The following CDH18 variants were observed in gnomAD, a reference collection of about 807,000 sequenced individuals.
CDH18 encodes the protein cadherin-18.
In CDH18, 31 loss-of-function variants were observed where a neutral mutation model predicts 67.9. That is an observed-to-expected ratio of 0.46 (90% CI 0.34 to 0.62). CDH18 has a LOEUF of 0.62. Ranked by LOEUF, CDH18 falls within the 20% of genes least tolerant of loss-of-function variation. The probability of loss-of-function intolerance (pLI) is 0.01; values close to 1 mark genes in which losing one functional copy is unlikely to be tolerated. For missense variants in CDH18, 890 were observed against 975.5 expected (o/e 0.91, Z 1.17); for synonymous variants, 362 against 347.2 (o/e 1.04, Z -0.48).
At chr5:20,514,648 T>C (rs1386948103) in intron 1 of CDH18, among the ~76,000 whole-genome samples, 3 of 152,004 alleles carry the variant, frequency 2.0e-5, no homozygotes, top group Non-Finnish European at 4.4e-5. Flanking sequence ...CTATGAGTGT[T>C]TTTAGCATAA....
chr5:19,701,930 G>A (rs898974672), intron 5 of CDH18, among the ~76,000 whole-genome samples: 5 of 152,026 alleles, frequency 3.3e-5, no homozygotes, highest in Non-Finnish European at 5.9e-5. Context: ...ATGTTGAAAC[G>A]TATTGTGCAA....
intron 2 of CDH18, among the ~76,000 whole-genome samples, chr5:20,007,705 GTGTGTGTGTGTC>G (rs1448666904): frequency 6.8e-6 from 1 of 147,714 alleles, no homozygotes; most frequent in African/African-American, 2.6e-5. Context: ...GTGTGTGTGT[GTGTGTGTGTGTC>G]ATAAGTCATT....
intron 2 of CDH18, among the ~76,000 whole-genome samples, chr5:20,018,696 C>T (rs1738111091): frequency 6.6e-6 from 1 of 151,962 alleles, no homozygotes; most frequent in Non-Finnish European, 1.5e-5. Flanking sequence ...ATTTTGTTTC[C>T]TATGGAATAA....
intron 8 of CDH18, among the ~76,000 whole-genome samples, chr5:19,554,045 GC>G (rs1487131568): frequency 6.6e-6 from 1 of 151,924 alleles, no homozygotes; most frequent in Non-Finnish European, 1.5e-5. Flanking sequence ...TAATACACAA[GC>G]CATGCATTGA....
At chr5:19,569,798 C>T (rs1014950659) in intron 8 of CDH18, among the ~76,000 whole-genome samples, 29 of 152,054 alleles carry the variant, frequency 1.9e-4, no homozygotes, top group African/African-American at 2.9e-4. Context: ...TGTAAAGAAA[C>T]GATACATATT....
At chr5:19,959,076 G>T (rs770255304) in intron 2 of CDH18, among the ~76,000 whole-genome samples, 1 of 151,944 alleles carries the variant, frequency 6.6e-6, no homozygotes, top group Admixed American at 6.6e-5. Flanking sequence ...GAGAAACAAA[G>T]AAAGATATTT....
chr5:20,371,619 A>G (rs963712618), intron 1 of CDH18, among the ~76,000 whole-genome samples: 1 of 152,220 alleles, frequency 6.6e-6, no homozygotes, highest in Non-Finnish European at 1.5e-5. Context: ...AAAAGTAACT[A>G]AAGGATGTCG....
At chr5:19,938,753 T>C (rs942424749) in intron 2 of CDH18, among the ~76,000 whole-genome samples, 71 of 151,552 alleles carry the variant, frequency 4.7e-4, no homozygotes, top group African/African-American at 1.6e-3. Flanking sequence ...CTTTTAAAGT[T>C]ATAAAGGTAC....
intron 2 of CDH18, among the ~76,000 whole-genome samples, chr5:20,223,961 A>T (rs1741419316): frequency 6.6e-6 from 1 of 152,184 alleles, no homozygotes; most frequent in South Asian, 2.1e-4. Flanking sequence ...ATGAGAAATT[A>T]TGTTAACAAA....
intron 1 of CDH18, among the ~76,000 whole-genome samples, chr5:20,505,279 T>C (rs955958574): frequency 4.6e-5 from 7 of 152,112 alleles, no homozygotes; most frequent in African/African-American, 1.7e-4. Flanking sequence ...CTAGGACAAA[T>C]TGGAGAAGTT....
At chr5:20,562,122 T>C (rs987344605) in intron 1 of CDH18, among the ~76,000 whole-genome samples, 1 of 151,814 alleles carries the variant, frequency 6.6e-6, no homozygotes, top group African/African-American at 2.4e-5. Flanking sequence ...AGATCTATAA[T>C]AGAAAAGAAA....
In CDH18 at chr5:20,056,718, C is replaced by G. The variant is rs569770907; in HGVS notation, c.-517-64704G>C. On this transcript the variant is annotated intron_variant, in intron 2 of 14. Transcript: ENST00000507958. ...TTTTTTTTTTTGAGACGAAGTCTCA[C>G]TGTCGCCCAGGCTGGAGTGCGGTGG... Among the ~76,000 whole-genome samples the G allele has an allele frequency of 2.7e-3, 331 of 124,690 alleles. 1 individual carries two copies. Among genetic ancestry groups the G allele is most frequent in the African/African-American group, 9.4e-3 (313 of 33,340 alleles). 81.8% of individuals were successfully genotyped at this position (124,690 alleles called of 152,430 possible). A position where few individuals can be genotyped will look rare whatever the true frequency, so the allele number is the denominator to read the frequency against.
intron 1 of CDH18, among the ~76,000 whole-genome samples, chr5:20,497,884 T>A (rs954570329): frequency 1.3e-5 from 2 of 152,026 alleles, no homozygotes; most frequent in Non-Finnish European, 2.9e-5. Context: ...TATTCGGAGG[T>A]GAGGACTTCG....
In CDH18 at chr5:19,901,564, G is replaced by A. The variant is rs571755172; in HGVS notation, c.-256-62322C>T. Among the ~76,000 whole-genome samples the A allele has an allele frequency of 1.6e-4, 25 of 152,114 alleles. 1 individual carries two copies. The South Asian group carries it at 5.2e-3, about 32-fold the overall frequency. ...TTTTCACTGAGTTGGGAACAAATAA[G>A]TCTTCAGGTATGATGTGATGTATCT... On this transcript the variant is annotated intron_variant, in intron 2 of 12. Coordinates refer to ENST00000382275, the MANE Select transcript of CDH18 (RefSeq NM_004934.5).
intron 2 of CDH18, among the ~76,000 whole-genome samples, chr5:20,059,259 G>C (rs1026769111): frequency 6.6e-6 from 1 of 151,810 alleles, no homozygotes; most frequent in East Asian, 1.9e-4. Flanking sequence ...TGTCTATTTT[G>C]TTAATCTTTT....
intron 3 of CDH18, among the ~76,000 whole-genome samples, chr5:19,791,121 A>G (rs1014231354): frequency 1.6e-4 from 24 of 152,130 alleles, no homozygotes; most frequent in Non-Finnish European, 1.6e-4. Flanking sequence ...TATCTTAACT[A>G]CAGGAATCAG....
At chr5:19,797,675 G>T (rs1425585219) in intron 3 of CDH18, among the ~76,000 whole-genome samples, 2 of 151,836 alleles carry the variant, frequency 1.3e-5, no homozygotes, top group African/African-American at 4.8e-5. Context: ...ACTAATGAAA[G>T]AAATCAAAGA....
chr5:20,211,939 T>A (rs575220148), intron 2 of CDH18, among the ~76,000 whole-genome samples: 12 of 151,994 alleles, frequency 7.9e-5, no homozygotes, highest in Admixed American at 6.6e-5. Context: ...CTTTGACGAG[T>A]TGACAAAAGT....
chr5:19,684,861 T>C (rs1004829475), intron 5 of CDH18, among the ~76,000 whole-genome samples: 2 of 152,188 alleles, frequency 1.3e-5, no homozygotes, highest in Admixed American at 6.6e-5. Context: ...GTATCTTTTA[T>C]CTTTCCATTC....
Sources: gnomAD v4.1 joint callset for allele counts (sites outside exome capture counted in the v4.1 genomes callset) on GRCh38, gnomAD v4.1.1 for gene constraint, MANE v1.5 for transcripts, NCBI Gene and HGNC (gene_info 2026-07-23, HGNC 2026-07-21) for gene names.